SLC4A5: variants seen among roughly 807,000 people sequenced by gnomAD.
SLC4A5 encodes the protein solute carrier family 4 member 5, also known as electrogenic sodium bicarbonate cotransporter 4.
In SLC4A5, 96 loss-of-function variants were observed where a neutral mutation model predicts 120.4. The ratio of observed to expected loss-of-function variants is 0.80; its 90% CI spans 0.68 to 0.94. The LOEUF is 0.94. SLC4A5 is among the 40% of genes least tolerant of loss of function. The pLI, the probability that SLC4A5 is intolerant of heterozygous loss-of-function variation, is 0.00. For missense variants in SLC4A5, 1,259 were observed against 1,459.5 expected, an observed-to-expected ratio of 0.86 and a Z score of 2.24; for synonymous variants, 550 against 571.1, an observed-to-expected ratio of 0.96 and a Z score of 0.53.
chr2:74,245,237 T>C lies in SLC4A5; in HGVS notation c.2059+1799A>G, dbSNP rs568323189. 5.9e-5 allele frequency among the ~76,000 whole-genome samples: 9 copies of C among 152,262 alleles called. No individual in the cohort carries two copies. In the East Asian group the frequency reaches 1.7e-3, roughly 29 times the overall value. On this transcript the variant is annotated intron_variant, in intron 19 of 30. Coordinates refer to ENST00000394019, the Ensembl canonical transcript of SLC4A5. ...GGGAGGCTGAGGCAGGAGAATCGCT[T>C]GAACCCAGGAGGCAGAGGTTGCAGT...
At chr2:74,285,235 T>C (rs1456399020) in intron 8 of SLC4A5, among the ~76,000 whole-genome samples, 1 of 152,180 alleles carries the variant, frequency 6.6e-6, no homozygotes, top group Admixed American at 6.5e-5. Context: ...GGCGACATAA[T>C]GAGACCCTGT....
intron 7 of SLC4A5, among the ~76,000 whole-genome samples, chr2:74,292,285 A>C (rs367624449): frequency 6.6e-5 from 10 of 152,130 alleles, no homozygotes; most frequent in African/African-American, 2.2e-4. Context: ...GTTCCCTCTA[A>C]ACATTCCAAG....
At chr2:74,281,670 A>G (rs1671818488) in intron 8 of SLC4A5, among the ~76,000 whole-genome samples, 1 of 152,186 alleles carries the variant, frequency 6.6e-6, no homozygotes, top group Non-Finnish European at 1.5e-5. Flanking sequence ...TCAAAAAGCC[A>G]TTTAAATCCC....
chr2:74,293,568 CAAAG>C (rs1425425227), intron 7 of SLC4A5, among the ~76,000 whole-genome samples: 1 of 152,112 alleles, frequency 6.6e-6, no homozygotes, highest in Non-Finnish European at 1.5e-5. Flanking sequence ...GGCTGGGCTG[CAAAG>C]AGAGGAAGCA....
chr2:74,243,739 G>A (rs1350206920), intron 19 of SLC4A5, among the ~76,000 whole-genome samples: 1 of 152,072 alleles, frequency 6.6e-6, no homozygotes, highest in Non-Finnish European at 1.5e-5. Context: ...CTTTTATATC[G>A]AGAACTCTGT....
intron 5 of SLC4A5, among the ~76,000 whole-genome samples, chr2:74,324,725 G>C (rs1285222146): frequency 3.3e-5 from 5 of 151,814 alleles, no homozygotes; most frequent in Non-Finnish European, 5.9e-5. Context: ...AATGTCTTAG[G>C]GGGAGACTCC....
chr2:74,252,212 T>G (rs754971638), exon 16 of SLC4A5: 2 of 1,612,794 alleles, frequency 1.2e-6, no homozygotes, highest in Non-Finnish European at 1.7e-6. Flanking sequence ...CCCGATTTCA[T>G]GCATGGCTGG....
intron 17 of SLC4A5, among the ~76,000 whole-genome samples, chr2:74,250,095 C>T (rs1246588513): frequency 6.6e-6 from 1 of 152,120 alleles, no homozygotes; most frequent in Non-Finnish European, 1.5e-5. Flanking sequence ...CAGATGATTC[C>T]CCTTAACGGT....
intron 1 of SLC4A5, among the ~76,000 whole-genome samples, chr2:74,343,032 C>T (rs865890907): frequency 4.6e-5 from 7 of 152,078 alleles, no homozygotes; most frequent in African/African-American, 1.2e-4. Flanking sequence ...GATATGCACA[C>T]ACTACACGCT....
chr2:74,245,188 G>A (rs1280858529), intron 19 of SLC4A5, among the ~76,000 whole-genome samples: 8 of 152,114 alleles, frequency 5.3e-5, no homozygotes, highest in African/African-American at 1.9e-4. Context: ...GTGTGGTGGT[G>A]CACACTTGTA....
chr2:74,258,186 G>C (rs1366716613), intron 12 of SLC4A5, among the ~76,000 whole-genome samples: 3 of 152,248 alleles, frequency 2.0e-5, no homozygotes, highest in Non-Finnish European at 4.4e-5. Context: ...GCTGAGGGCA[G>C]GCATGGAGTT....
intron 7 of SLC4A5, among the ~76,000 whole-genome samples, chr2:74,301,197 T>A (rs911896465): frequency 4.6e-5 from 7 of 152,196 alleles, no homozygotes; most frequent in African/African-American, 1.4e-4. Flanking sequence ...TTCAACTTTA[T>A]AGTTATGATT....
chr2:74,289,703 G>C (rs1465217802), intron 7 of SLC4A5, among the ~76,000 whole-genome samples: 1 of 152,012 alleles, frequency 6.6e-6, no homozygotes. Context: ...AAATTTTATA[G>C]ACAAAAAACC....
intron 8 of SLC4A5, among the ~76,000 whole-genome samples, chr2:74,284,101 G>C (rs1671900371): frequency 1.3e-5 from 2 of 151,616 alleles, no homozygotes; most frequent in African/African-American, 4.8e-5. Flanking sequence ...GCCTGTCTTG[G>C]CCTCTCAAAA....
intron 6 of SLC4A5, among the ~76,000 whole-genome samples, chr2:74,313,850 T>G (rs78348397): frequency 0.011 from 1,633 of 152,216 alleles, 37 homozygotes; most frequent in African/African-American, 0.036. Context: ...GGAATGGAAA[T>G]GAAAAGAAGC....
intron 7 of SLC4A5, among the ~76,000 whole-genome samples, chr2:74,302,719 A>G (rs1234777932): frequency 6.6e-6 from 1 of 152,228 alleles, no homozygotes; most frequent in Non-Finnish European, 1.5e-5. Flanking sequence ...AGCAATGTCA[A>G]ATCCACCATC....
chr2:74,313,903 G>C (rs918018760), intron 6 of SLC4A5, among the ~76,000 whole-genome samples: 1 of 152,180 alleles, frequency 6.6e-6, no homozygotes, highest in Non-Finnish European at 1.5e-5. Context: ...AGCTGCCCTA[G>C]GTGCTCCCTG....
intron 10 of SLC4A5, 50 bp from the exon 11 acceptor site, chr2:74,262,282 G>T: frequency 6.5e-7 from 1 of 1,532,406 alleles, no homozygotes; most frequent in Non-Finnish European, 9.0e-7. Flanking sequence ...TGCTGGTGTA[G>T]CGAAGCCTCT....
At chr2:74,265,076 G>C in intron 9 of SLC4A5, 28 bp downstream of exon 9, 1 of 1,601,264 alleles carries the variant, frequency 6.2e-7, no homozygotes, top group Non-Finnish European at 8.5e-7. Flanking sequence ...GACCACAGGA[G>C]AGATGCACAC....
Sources: gnomAD v4.1 joint callset for allele counts (sites outside exome capture counted in the v4.1 genomes callset) on GRCh38, gnomAD v4.1.1 for gene constraint, MANE v1.5 for transcripts, NCBI Gene and HGNC (gene_info 2026-07-23, HGNC 2026-07-21) for gene names.